Variants in MDFIC2 observed in about 807,000 individuals in gnomAD.
MDFIC2 encodes the protein myoD family inhibitor domain-containing protein 2.
chr3:70,226,205 T>G (rs1701505918), intron 2 of MDFIC2, among the ~76,000 whole-genome samples: 1 of 152,216 alleles, frequency 6.6e-6, no homozygotes, highest in Non-Finnish European at 1.5e-5. Flanking sequence ...CTTCATAAAG[T>G]GCCAGGCAAT....
chr3:70,277,715 G>GCT (rs1702041091), intron 2 of MDFIC2, among the ~76,000 whole-genome samples: 1 of 152,138 alleles, frequency 6.6e-6, no homozygotes, highest in Non-Finnish European at 1.5e-5. Context: ...TGCCACCTCA[G>GCT]TCTAAGATTC....
At chr3:70,235,498 C>T (rs1701598552) in intron 2 of MDFIC2, among the ~76,000 whole-genome samples, 4 of 152,172 alleles carry the variant, frequency 2.6e-5, no homozygotes, top group Admixed American at 2.6e-4. Context: ...GAATGTTAAA[C>T]ACATGAATAC....
At chr3:70,280,794 G>A (rs1011445792) in intron 2 of MDFIC2, among the ~76,000 whole-genome samples, 1 of 152,084 alleles carries the variant, frequency 6.6e-6, no homozygotes, top group African/African-American at 2.4e-5. Flanking sequence ...GACCTAACTT[G>A]TTTGACTGTA....
intron 2 of MDFIC2, among the ~76,000 whole-genome samples, chr3:70,289,349 G>A (rs1482234340): frequency 6.6e-6 from 1 of 151,042 alleles, no homozygotes; most frequent in South Asian, 2.1e-4. Context: ...GAAATTCTGG[G>A]TTGAAAATTC....
intron 2 of MDFIC2, among the ~76,000 whole-genome samples, chr3:70,287,789 G>T (rs1470796107): frequency 6.6e-6 from 1 of 150,946 alleles, no homozygotes; most frequent in Non-Finnish European, 1.5e-5. Flanking sequence ...AGTCTTGGGA[G>T]AGTGTATGTG....
chr3:70,218,839 T>C (rs1214149125), intron 2 of MDFIC2, among the ~76,000 whole-genome samples: 1 of 152,200 alleles, frequency 6.6e-6, no homozygotes, highest in Non-Finnish European at 1.5e-5. Flanking sequence ...GTTTGCTCTT[T>C]GTCCAAGCAT....
At chr3:70,245,055 G>T (rs960115428) in intron 2 of MDFIC2, among the ~76,000 whole-genome samples, 2 of 152,038 alleles carry the variant, frequency 1.3e-5, no homozygotes, top group Non-Finnish European at 2.9e-5. Context: ...TGCAATCAGG[G>T]ATTTACAGAT....
intron 2 of MDFIC2, among the ~76,000 whole-genome samples, chr3:70,290,060 C>G (rs558817748): frequency 2.0e-5 from 3 of 152,168 alleles, no homozygotes. Context: ...TCTCTCAGCT[C>G]GTCAAAGTCA....
intron 2 of MDFIC2, among the ~76,000 whole-genome samples, chr3:70,220,636 C>G (rs1046625027): frequency 6.6e-6 from 1 of 152,032 alleles, no homozygotes; most frequent in East Asian, 1.9e-4. Context: ...GTTTGGTCTC[C>G]CTTTAGAATG....
intron 2 of MDFIC2, among the ~76,000 whole-genome samples, chr3:70,258,569 C>T (rs1001613016): frequency 1.3e-5 from 2 of 152,064 alleles, no homozygotes; most frequent in African/African-American, 4.8e-5. Flanking sequence ...GAATTTCTAT[C>T]CATTGTAAAC....
chr3:70,273,645 G>A (rs530324282), intron 2 of MDFIC2, among the ~76,000 whole-genome samples: 1 of 152,180 alleles, frequency 6.6e-6, no homozygotes, highest in South Asian at 2.1e-4. Context: ...GGAGGAAAAG[G>A]CAAGGTACAG....
intron 2 of MDFIC2, among the ~76,000 whole-genome samples, chr3:70,215,117 T>G (rs1318584320): frequency 1.3e-5 from 2 of 152,138 alleles, no homozygotes; most frequent in African/African-American, 4.8e-5. Flanking sequence ...ATCCGAACTA[T>G]TTGAATGTCA....
At chr3:70,281,766 C>A (rs1702086144) in intron 2 of MDFIC2, among the ~76,000 whole-genome samples, 1 of 152,154 alleles carries the variant, frequency 6.6e-6, no homozygotes, top group East Asian at 1.9e-4. Context: ...CTCTGCAAAG[C>A]TTTCTCTGAT....
At chr3:70,227,009 G>A (rs1305944828) in intron 2 of MDFIC2, among the ~76,000 whole-genome samples, 2 of 151,974 alleles carry the variant, frequency 1.3e-5, no homozygotes, top group Non-Finnish European at 2.9e-5. Context: ...GATGGACCTC[G>A]AAAAAATACA....
intron 2 of MDFIC2, among the ~76,000 whole-genome samples, chr3:70,210,263 C>A (rs760098064): frequency 6.6e-6 from 1 of 152,116 alleles, no homozygotes; most frequent in South Asian, 2.1e-4. Flanking sequence ...TAGGCTTGTA[C>A]TGAGAGAATT....
intron 3 of MDFIC2, among the ~76,000 whole-genome samples, chr3:70,202,453 A>C (rs765686386): frequency 6.6e-6 from 1 of 152,106 alleles, no homozygotes; most frequent in Non-Finnish European, 1.5e-5. Flanking sequence ...TGAGTAGCTT[A>C]CTGTTCACTG....
chr3:70,306,304 G>A (rs553559110), intron 2 of MDFIC2, among the ~76,000 whole-genome samples: 1 of 152,160 alleles, frequency 6.6e-6, no homozygotes, highest in South Asian at 2.1e-4. Flanking sequence ...GTAAAGACGG[G>A]GTTTCACCAT....
In MDFIC2 at chr3:70,283,653, T is replaced by C; in HGVS notation, c.88+28233A>G. 2 of 152,056 alleles carry C rather than the reference T, an allele frequency of 1.3e-5. 1 individual carries two copies. Among genetic ancestry groups the C allele is most frequent in the East Asian group, 3.9e-4 (2 of 5,168 alleles). The allele number at this position is 152,056 out of a possible 1,614,324, so 9.4% of individuals were successfully genotyped here. A position where few individuals can be genotyped will look rare whatever the true frequency, so the allele number is the denominator to read the frequency against. On this transcript the variant is annotated intron_variant, in intron 2 of 3. Transcript: ENST00000567252. ...AGGGATTCATGCTGGGGTCAGGCTT[T>C]TGGAGCTATTTTCACAATAACATTT...
intron 2 of MDFIC2, among the ~76,000 whole-genome samples, chr3:70,217,890 T>A (rs1402771348): frequency 6.6e-6 from 1 of 152,170 alleles, no homozygotes; most frequent in Non-Finnish European, 1.5e-5. Flanking sequence ...TCTATCAGGT[T>A]AATATCCATT....
Sources: allele counts gnomAD v4.1 joint callset (sites outside exome capture counted in the v4.1 genomes callset), GRCh38; gene constraint gnomAD v4.1.1; transcripts MANE v1.5; gene names NCBI Gene and HGNC (gene_info 2026-07-23, HGNC 2026-07-21).